The following LYPD6B variants were observed in gnomAD, a reference collection of about 807,000 sequenced individuals.
LYPD6B encodes the protein LY6/PLAUR domain containing 6B.
Under a neutral mutation model 22.8 loss-of-function variants are expected in LYPD6B, and 17 were observed. The observed-to-expected ratio is 0.75, with a 90% CI of 0.51 to 1.12. The LOEUF (loss-of-function observed/expected upper bound fraction) is 1.12, where lower values mean the gene tolerates loss of function less well. Among genes scored for constraint, LYPD6B ranks in the 50% most tolerant of loss-of-function variants. LYPD6B has a pLI of 0.00. For missense variants in LYPD6B, 221 were observed against 258.3 expected (o/e 0.86, Z 0.99); for synonymous variants, 106 against 91.6 (o/e 1.16, Z -0.90).
intron 2 of LYPD6B, among the ~76,000 whole-genome samples, chr2:149,135,847 A>G (rs1688337263): frequency 6.6e-6 from 1 of 152,120 alleles, no homozygotes; most frequent in Admixed American, 6.5e-5. Context: ...ATTAAGAACC[A>G]GAGCTGATAC....
chr2:149,157,299 A>C (rs1689768029), intron 2 of LYPD6B, among the ~76,000 whole-genome samples: 3 of 138,994 alleles, frequency 2.2e-5, no homozygotes, highest in South Asian at 5.4e-4. Flanking sequence ...TTAAAAAAAA[A>C]CCTATTGCTC....
intron 3 of LYPD6B, among the ~76,000 whole-genome samples, chr2:149,200,373 A>G (rs1041385468): frequency 2.6e-5 from 4 of 152,138 alleles, no homozygotes; most frequent in African/African-American, 9.6e-5. Context: ...TCATCTTTGG[A>G]CACCCTGCCA....
chr2:149,076,957 G>GGAA (rs1684906622), intron 1 of LYPD6B, among the ~76,000 whole-genome samples: 1 of 152,156 alleles, frequency 6.6e-6, no homozygotes, highest in Non-Finnish European at 1.5e-5. Flanking sequence ...GGGAGGAGGA[G>GGAA]GAAACTCTTA....
At chr2:149,139,541 G>A (rs1182046353) in intron 2 of LYPD6B, among the ~76,000 whole-genome samples, 1 of 152,182 alleles carries the variant, frequency 6.6e-6, no homozygotes, top group African/African-American at 2.4e-5. Context: ...GGTGACAGAT[G>A]CTAGCAAGGC....
intron 1 of LYPD6B, among the ~76,000 whole-genome samples, chr2:149,051,708 G>C (rs12472769): frequency 6.6e-6 from 1 of 151,714 alleles, no homozygotes; most frequent in Admixed American, 6.6e-5. Context: ...CTCTGTTGCC[G>C]AGACTGAAGT....
At chr2:149,205,019 C>T (rs1157000279) in intron 3 of LYPD6B, 15 of 423,876 alleles carry the variant, frequency 3.5e-5, no homozygotes, top group Non-Finnish European at 5.8e-5. Context: ...AAAAGGCCAT[C>T]GAGTGTTCTG....
chr2:149,154,700 G>A (rs1689589678), intron 2 of LYPD6B, among the ~76,000 whole-genome samples: 1 of 151,986 alleles, frequency 6.6e-6, no homozygotes, highest in African/African-American at 2.4e-5. Flanking sequence ...GTGGTGTGGG[G>A]AGAGTGGCGG....
chr2:149,183,110 A>C (rs1691850737), intron 3 of LYPD6B, among the ~76,000 whole-genome samples: 1 of 152,230 alleles, frequency 6.6e-6, no homozygotes. Context: ...TTAATTTGCA[A>C]AGGATAAGTT....
At chr2:149,044,684 A>G (rs751178543) in intron 1 of LYPD6B, among the ~76,000 whole-genome samples, 23 of 152,002 alleles carry the variant, frequency 1.5e-4, no homozygotes, top group Non-Finnish European at 1.5e-4. Flanking sequence ...TTTGTTTCTT[A>G]TCATGGAGCA....
At chr2:149,132,693 T>C (rs1688104161) in intron 2 of LYPD6B, among the ~76,000 whole-genome samples, 2 of 152,194 alleles carry the variant, frequency 1.3e-5, no homozygotes, top group African/African-American at 4.8e-5. Context: ...TGCTTGGCCC[T>C]GCCCCATTAA....
chr2:149,080,867 A>AAAAAAAAAAT, intron 1 of LYPD6B, among the ~76,000 whole-genome samples: 1 of 108,674 alleles, frequency 9.2e-6, no homozygotes, highest in Non-Finnish European at 2.0e-5. Context: ...AAAAAAAAAA[A>AAAAAAAAAAT]CCACACAAAA....
chr2:149,111,874 G>GAGAT (rs1553484170), intron 1 of LYPD6B, among the ~76,000 whole-genome samples: 3 of 152,128 alleles, frequency 2.0e-5, no homozygotes, highest in Non-Finnish European at 4.4e-5. Context: ...CAGGCACGAT[G>GAGAT]AGATCCAAGA....
At chr2:149,151,214 T>C (rs1324182511) in intron 2 of LYPD6B, among the ~76,000 whole-genome samples, 2 of 152,096 alleles carry the variant, frequency 1.3e-5, no homozygotes, top group African/African-American at 4.8e-5. Context: ...TGGGTATATA[T>C]GGTGTCCTCT....
intron 3 of LYPD6B, among the ~76,000 whole-genome samples, chr2:149,168,003 A>G (rs975900133): frequency 2.0e-5 from 3 of 151,908 alleles, no homozygotes; most frequent in Admixed American, 2.0e-4. Context: ...TGAGGTCAGG[A>G]GTTCAAGACC....
At chr2:149,154,149 C>A in intron 2 of LYPD6B, 2 of 298,778 alleles carry the variant, frequency 6.7e-6, no homozygotes, top group Non-Finnish European at 4.8e-6. Context: ...ATCCAAGTTC[C>A]AACCCCTAGT....
intron 3 of LYPD6B, among the ~76,000 whole-genome samples, chr2:149,171,528 A>T (rs61365798): frequency 1.2e-4 from 17 of 143,432 alleles, no homozygotes; most frequent in African/African-American, 3.6e-4. Flanking sequence ...TTGAAGTCTG[A>T]TTTTTTTTTT....
chr2:149,191,958 C>T lies in LYPD6B; in HGVS notation c.78-13295C>T, dbSNP rs545704236. ...CTGTTTTGGTGGTTGAATTGGAAAT[C>T]ACCAATGCTGGTTCTTCTTCAGCAA... is the stretch of plus-strand genomic sequence containing the variant. On this transcript the variant is annotated intron_variant, in intron 3 of 6. Transcript: ENST00000409642. Among the ~76,000 whole-genome samples, 46 of 152,310 alleles carry T rather than the reference C, an allele frequency of 3.0e-4. No homozygotes were observed. In the South Asian group the frequency reaches 7.5e-3, roughly 25 times the overall value.
At chr2:149,140,626 C>T (rs76836857) in intron 2 of LYPD6B, among the ~76,000 whole-genome samples, 96,914 of 151,838 alleles carry the variant, frequency 0.64, 31,018 homozygotes, top group South Asian at 0.76. Flanking sequence ...TTAAGCTTAT[C>T]CTTGCATTTA....
chr2:149,102,923 T>C (rs1243088928), intron 1 of LYPD6B, among the ~76,000 whole-genome samples: 1 of 152,214 alleles, frequency 6.6e-6, no homozygotes, highest in Non-Finnish European at 1.5e-5. Flanking sequence ...GGAAGAAATT[T>C]CCAGAAAGGG....
Sources: gnomAD v4.1 joint callset for allele counts (sites outside exome capture counted in the v4.1 genomes callset) on GRCh38, gnomAD v4.1.1 for gene constraint, MANE v1.5 for transcripts, NCBI Gene and HGNC (gene_info 2026-07-23, HGNC 2026-07-21) for gene names.